JARID2: variants seen among roughly 807,000 people sequenced by gnomAD.
JARID2 encodes the protein jumonji and AT-rich interaction domain containing 2, also known as protein Jumonji.
A neutral mutation model predicts 125.6 loss-of-function variants in JARID2; 21 were observed. That is an observed-to-expected ratio of 0.17 (90% CI 0.12 to 0.24). JARID2 has a LOEUF of 0.24. Ranked by LOEUF, JARID2 falls within the 10% of genes least tolerant of loss-of-function variation. JARID2 has a pLI of 1.00. For synonymous variants in JARID2, 736 were observed against 661.6 expected, an observed-to-expected ratio of 1.11 and a Z score of -1.73; for missense variants, 1,303 against 1,639.6, an observed-to-expected ratio of 0.79 and a Z score of 3.55.
chr6:15,468,867 T>C lies in JARID2; in HGVS notation c.670+149T>C. On this transcript the variant is annotated intron_variant, in intron 5 of 17. Transcript: ENST00000341776. ...AGACACTTCATGGGCAAAGGGATTA[T>C]TAGTGTAGCTTAGTGTAGTCCAGGG... 3 of 660,576 alleles carry C rather than the reference T, an allele frequency of 4.5e-6. No homozygotes were observed. In the East Asian group the frequency reaches 8.2e-5, roughly 18 times the overall value. 40.9% of individuals were successfully genotyped at this position (660,576 alleles called of 1,614,324 possible).
chr6:15,387,738 C>G (rs538010343), intron 2 of JARID2, among the ~76,000 whole-genome samples: 2 of 152,120 alleles, frequency 1.3e-5, no homozygotes, highest in South Asian at 4.1e-4. Context: ...GTCAGGAAAC[C>G]CTTAGAGCTG....
chr6:15,506,004 G>C (rs1348336014), intron 9 of JARID2, among the ~76,000 whole-genome samples: 1 of 152,266 alleles, frequency 6.6e-6, no homozygotes, highest in Non-Finnish European at 1.5e-5. Flanking sequence ...TGATGCGCAA[G>C]AAAACTTAGC....
At chr6:15,406,644 T>A (rs1387504545) in intron 2 of JARID2, among the ~76,000 whole-genome samples, 1 of 152,206 alleles carries the variant, frequency 6.6e-6, no homozygotes, top group African/African-American at 2.4e-5. Context: ...TTTGATTTCT[T>A]TTTGCTCAGT....
At chr6:15,357,331 A>G (rs921700247) in intron 1 of JARID2, among the ~76,000 whole-genome samples, 3 of 152,230 alleles carry the variant, frequency 2.0e-5, no homozygotes, top group Admixed American at 1.3e-4. Flanking sequence ...ATACAGTACA[A>G]TTTACACGGG....
rs143371147 is a variant in JARID2, at chr6:15,282,811, G to C, written c.45+36227G>C. Among the ~76,000 whole-genome samples the C allele has an allele frequency of 7.1e-3, 1,078 of 152,148 alleles. 4 individuals carry two copies. The highest frequency in any genetic ancestry group is 0.011 in the Non-Finnish European group (759 of 68,006). ...AGACAGGGTTTCTCCATGTTGGTCA[G>C]GCTGGTTTTGAACTCCCGACCTCAA... On this transcript the variant is annotated intron_variant, in intron 1 of 17. Transcript: ENST00000341776.
At chr6:15,339,910 G>A (rs1763012777) in intron 1 of JARID2, among the ~76,000 whole-genome samples, 1 of 152,212 alleles carries the variant, frequency 6.6e-6, no homozygotes, top group South Asian at 2.1e-4. Flanking sequence ...AAAACTCAGA[G>A]GACAATGTTG....
intron 17 of JARID2, 43 bp downstream of exon 17, chr6:15,517,311 GCCTT>G: frequency 7.4e-7 from 1 of 1,360,068 alleles, no homozygotes; most frequent in Non-Finnish European, 1.1e-6. Flanking sequence ...GCAGCGTGGC[GCCTT>G]CCCTGCTCCC....
At chr6:15,324,405 T>C (rs1304116420) in intron 1 of JARID2, 4 of 152,170 alleles carry the variant, frequency 2.6e-5, no homozygotes, top group African/African-American at 7.2e-5. Context: ...ATGTCATCTT[T>C]ATACGGGGGC....
intron 1 of JARID2, among the ~76,000 whole-genome samples, chr6:15,281,221 C>T (rs1188251607): frequency 1.3e-5 from 2 of 152,174 alleles, no homozygotes; most frequent in African/African-American, 4.8e-5. Flanking sequence ...GGTTGCAACC[C>T]TTTTATTCTA....
At chr6:15,368,195 A>G (rs762091722) in intron 1 of JARID2, among the ~76,000 whole-genome samples, 1 of 152,218 alleles carries the variant, frequency 6.6e-6, no homozygotes, top group African/African-American at 2.4e-5. Context: ...TATTATGCAC[A>G]CATAGCTTTC....
At chr6:15,268,782 A>G (rs1318012054) in intron 1 of JARID2, among the ~76,000 whole-genome samples, 1 of 152,240 alleles carries the variant, frequency 6.6e-6, no homozygotes, top group Non-Finnish European at 1.5e-5. Context: ...GCTCACACGC[A>G]GCTGCAAAGA....
intron 1 of JARID2, among the ~76,000 whole-genome samples, chr6:15,302,430 G>A (rs935289862): frequency 4.0e-5 from 6 of 151,498 alleles, no homozygotes; most frequent in African/African-American, 1.5e-4. Flanking sequence ...AAAAAAAAGA[G>A]TAAGGAAGAG....
intron 1 of JARID2, among the ~76,000 whole-genome samples, chr6:15,319,608 G>T (rs1201516502): frequency 6.6e-6 from 1 of 152,128 alleles, no homozygotes; most frequent in African/African-American, 2.4e-5. Context: ...GTTTCACCAT[G>T]TTTGCCAGGC....
intron 1 of JARID2, among the ~76,000 whole-genome samples, chr6:15,346,376 A>C (rs145539178): frequency 1.3e-5 from 2 of 152,144 alleles, no homozygotes; most frequent in Non-Finnish European, 2.9e-5. Flanking sequence ...TAATTGTCAT[A>C]TATAGTGGAA....
intron 2 of JARID2, among the ~76,000 whole-genome samples, chr6:15,385,566 A>G (rs1374390224): frequency 6.6e-6 from 1 of 151,676 alleles, no homozygotes; most frequent in Non-Finnish European, 1.5e-5. Flanking sequence ...ATAATTATCT[A>G]ATGTGTCTAG....
chr6:15,380,070 C>G (rs1764520652), intron 2 of JARID2, among the ~76,000 whole-genome samples: 1 of 149,212 alleles, frequency 6.7e-6, no homozygotes, highest in Non-Finnish European at 1.5e-5. Flanking sequence ...CTTGCTTGCT[C>G]TGTTGCCCAG....
chr6:15,261,387 T>C (rs1331349867), intron 1 of JARID2, among the ~76,000 whole-genome samples: 1 of 150,236 alleles, frequency 6.7e-6, no homozygotes, highest in Admixed American at 6.7e-5. Flanking sequence ...CTATCTTGGC[T>C]CACTGCAACA....
At chr6:15,418,021 G>C (rs1430459223) in intron 3 of JARID2, among the ~76,000 whole-genome samples, 1 of 152,130 alleles carries the variant, frequency 6.6e-6, no homozygotes, top group Non-Finnish European at 1.5e-5. Flanking sequence ...GTCACGGGAA[G>C]GACCCTGTGG....
intron 8 of JARID2, among the ~76,000 whole-genome samples, chr6:15,502,335 C>A (rs576192971): frequency 2.6e-5 from 4 of 152,386 alleles, no homozygotes; most frequent in African/African-American, 7.2e-5. Flanking sequence ...TGGCCGAGCT[C>A]AGCTAAGTTG....
Sources: allele counts gnomAD v4.1 joint callset (sites outside exome capture counted in the v4.1 genomes callset), GRCh38; gene constraint gnomAD v4.1.1; transcripts MANE v1.5; gene names NCBI Gene and HGNC (gene_info 2026-07-23, HGNC 2026-07-21).